Variants in PRR16 observed in about 807,000 individuals in gnomAD.
The protein encoded by PRR16 is protein Largen.
In PRR16, 6 loss-of-function variants were observed where a neutral mutation model predicts 18.2. That is an observed-to-expected ratio of 0.33 (90% CI 0.18 to 0.65). The LOEUF is 0.65. Among genes scored for constraint, PRR16 ranks in the 30% least tolerant of loss-of-function variants. The pLI, the probability that PRR16 is intolerant of heterozygous loss-of-function variation, is 0.74. For synonymous variants in PRR16, 151 were observed against 147.8 expected (o/e 1.02, Z -0.16); for missense variants, 412 against 376.6 (o/e 1.09, Z -0.78).
chr5:120,706,749 C>A, the PRR16 span, among the ~76,000 whole-genome samples: 1 of 152,106 alleles, frequency 6.6e-6, no homozygotes, highest in Non-Finnish European at 1.5e-5. Context: ...AGATTTTATT[C>A]AAATTGTTTC....
chr5:120,487,793 A>G (rs1350224173), intron 1 of PRR16, among the ~76,000 whole-genome samples: 1 of 152,124 alleles, frequency 6.6e-6, no homozygotes, highest in Non-Finnish European at 1.5e-5. Flanking sequence ...TTTGTCATAG[A>G]TAGCTCTTAT....
chr5:120,669,325 G>T (rs563638988), intron 1 of PRR16, among the ~76,000 whole-genome samples: 21 of 151,968 alleles, frequency 1.4e-4, no homozygotes, highest in African/African-American at 4.8e-4. Context: ...CTTTACCATA[G>T]TTCCCTGCTT....
chr5:120,775,495 T>C, the PRR16 span, among the ~76,000 whole-genome samples: 2 of 152,210 alleles, frequency 1.3e-5, no homozygotes, highest in African/African-American at 4.8e-5. Context: ...TATCTCATTT[T>C]CTTTTAGTTG....
chr5:120,465,232 GACTTTCTC>G (rs1419333391), intron 1 of PRR16, among the ~76,000 whole-genome samples: 9 of 152,138 alleles, frequency 5.9e-5, no homozygotes, highest in Non-Finnish European at 1.0e-4. Flanking sequence ...GGGGGTCTGG[GACTTTCTC>G]ACTTTCTCAG....
At chr5:120,743,403 G>C in the PRR16 span, among the ~76,000 whole-genome samples, 1 of 151,876 alleles carries the variant, frequency 6.6e-6, no homozygotes, top group African/African-American at 2.4e-5. Context: ...GTTTGAAGGT[G>C]TGGGCTGTAG....
At chr5:120,488,354 A>G (rs529102054) in intron 1 of PRR16, among the ~76,000 whole-genome samples, 6 of 152,214 alleles carry the variant, frequency 3.9e-5, no homozygotes, top group South Asian at 4.1e-4. Flanking sequence ...CAGAGATTCA[A>G]CTTCTTCCTG....
chr5:120,500,373 T>G (rs1377051153), intron 1 of PRR16, among the ~76,000 whole-genome samples: 1 of 152,206 alleles, frequency 6.6e-6, no homozygotes, highest in Non-Finnish European at 1.5e-5. Context: ...TCTATCACCC[T>G]TTCGAAGTGT....
At chr5:120,692,024 A>AG (rs918804922), downstream of PRR16, among the ~76,000 whole-genome samples, 24 of 152,318 alleles carry the variant, frequency 1.6e-4, no homozygotes, top group African/African-American at 5.5e-4. Flanking sequence ...CCATGATCTT[A>AG]GGGCCAGTAA....
chr5:120,755,033 C>T, the PRR16 span, among the ~76,000 whole-genome samples: 37 of 86,474 alleles, frequency 4.3e-4, no homozygotes, highest in African/African-American at 1.6e-3. Flanking sequence ...TTTTTCACTT[C>T]TTTCTTTTGT....
chr5:120,723,706 C>T, the PRR16 span, among the ~76,000 whole-genome samples: 1 of 151,854 alleles, frequency 6.6e-6, no homozygotes, highest in African/African-American at 2.4e-5. Context: ...TAGTAAATTT[C>T]CTGTGCTTTT....
intron 1 of PRR16, among the ~76,000 whole-genome samples, chr5:120,571,468 T>G (rs542534685): frequency 6.6e-6 from 1 of 152,148 alleles, no homozygotes; most frequent in Non-Finnish European, 1.5e-5. Context: ...GTTCAGATCA[T>G]GTAGGGCTAT....
intron 1 of PRR16, among the ~76,000 whole-genome samples, chr5:120,502,022 A>AG (rs1204175601): frequency 3.3e-5 from 5 of 149,832 alleles, no homozygotes. Context: ...GTGGAAGAGA[A>AG]GGGGGACTCA....
intron 1 of PRR16, among the ~76,000 whole-genome samples, chr5:120,648,298 T>C (rs1755662733): frequency 2.6e-5 from 4 of 152,142 alleles, no homozygotes; most frequent in African/African-American, 9.6e-5. Flanking sequence ...CTTCACTTTT[T>C]TTACCTCATT....
chr5:120,682,433 T>C (rs897049339), intron 1 of PRR16, among the ~76,000 whole-genome samples: 9 of 152,198 alleles, frequency 5.9e-5, no homozygotes, highest in African/African-American at 1.9e-4. Context: ...GTTTGTTTTT[T>C]ATTCTCTTGG....
chr5:120,785,572 G>GTTTTTTTTTTTTTTTTTTTTTT, the PRR16 span, among the ~76,000 whole-genome samples: 130 of 119,932 alleles, frequency 1.1e-3, 27 homozygotes, highest in South Asian at 1.8e-3. Flanking sequence ...TTTTGTTGTT[G>GTTTTTTTTTTTTTTTTTTTTTT]TTGTTTTTTT....
the PRR16 span, among the ~76,000 whole-genome samples, chr5:120,712,723 C>T: frequency 6.6e-5 from 10 of 152,060 alleles, no homozygotes; most frequent in Non-Finnish European, 1.3e-4. Flanking sequence ...TGCTCAACAT[C>T]ACTAATCATC....
intron 1 of PRR16, among the ~76,000 whole-genome samples, chr5:120,615,297 T>G (rs1219675876): frequency 6.6e-6 from 1 of 151,850 alleles, no homozygotes; most frequent in Non-Finnish European, 1.5e-5. Context: ...AGTGTCTCGA[T>G]ATGAAGAACA....
chr5:120,660,289 A>G (rs1756132217), intron 1 of PRR16, among the ~76,000 whole-genome samples: 1 of 152,070 alleles, frequency 6.6e-6, no homozygotes, highest in Non-Finnish European at 1.5e-5. Flanking sequence ...ATAATATGAT[A>G]TTAGTGGCAA....
chr5:120,677,988 C>A (rs1474691285), intron 1 of PRR16, among the ~76,000 whole-genome samples: 1 of 135,448 alleles, frequency 7.4e-6, no homozygotes, highest in Non-Finnish European at 1.5e-5. Context: ...CGGCTCACTG[C>A]AAGCTCCGCC....
Sources: gnomAD v4.1 joint callset for allele counts (sites outside exome capture counted in the v4.1 genomes callset) on GRCh38, gnomAD v4.1.1 for gene constraint, MANE v1.5 for transcripts, NCBI Gene and HGNC (gene_info 2026-07-23, HGNC 2026-07-21) for gene names.